Variants in FBRSL1 observed in about 807,000 individuals in gnomAD.
FBRSL1 encodes fibrosin-1-like protein.
A neutral mutation model predicts 89.6 loss-of-function variants in FBRSL1; 51 were observed. The observed-to-expected ratio is 0.57, with a 90% CI of 0.45 to 0.72. The LOEUF is 0.72. Among genes scored for constraint, FBRSL1 ranks in the 30% least tolerant of loss-of-function variants. The pLI is 0.00. For missense variants in FBRSL1, 1,618 were observed against 1,451.8 expected, an observed-to-expected ratio of 1.11 and a Z score of -1.86; for synonymous variants, 779 against 681.1, an observed-to-expected ratio of 1.14 and a Z score of -2.24.
rs953732736 is a variant in FBRSL1 at position 132,570,067 on chromosome 12, C to T, written c.833C>T (p.Pro278Leu). 3.4e-5 allele frequency: 51 copies of T among 1,493,196 alleles called. No homozygotes were observed. Among genetic ancestry groups the T allele is most frequent in the African/African-American group, 5.8e-5 (4 of 68,592 alleles). 92.5% of individuals were successfully genotyped at this position (1,493,196 alleles called of 1,614,324 possible). The change falls in exon 7 of 19, where the codon CCG becomes CTG. Residue 278 changes from proline (P) to leucine (L), a missense_variant. By Grantham distance (98) the Pro-to-Leu change is moderately conservative (BLOSUM62 -3). Transcript: ENST00000680143. ...APHAAPCPGP[P>L]PGSRANPLVK... ...CATGCCGCGCCCTGCCCGGGGCCCC[C>T]GCCCGGCTCCCGCGCCAATCCCTTG...
intron 2 of FBRSL1, among the ~76,000 whole-genome samples, chr12:132,513,626 G>T (rs747158955): frequency 8.5e-5 from 13 of 152,228 alleles, no homozygotes; most frequent in Non-Finnish European, 1.5e-4. Flanking sequence ...TGCAGAAGGG[G>T]TTATGGGGAG....
At chr12:132,552,167 A>C (rs1443846660) in intron 5 of FBRSL1, 2 of 166,102 alleles carry the variant, frequency 1.2e-5, no homozygotes, top group Non-Finnish European at 2.6e-5. Flanking sequence ...CACTGCCCCA[A>C]GCACGGTCCC....
chr12:132,507,769 C>T (rs967158877), intron 1 of FBRSL1, among the ~76,000 whole-genome samples: 14 of 152,100 alleles, frequency 9.2e-5, no homozygotes, highest in African/African-American at 3.4e-4. Context: ...TGGAGAGGCT[C>T]CTGTGGTCCC....
intron 15 of FBRSL1, among the ~76,000 whole-genome samples, chr12:132,578,569 C>T (rs1010341624): frequency 4.6e-5 from 7 of 152,120 alleles, no homozygotes; most frequent in South Asian, 2.1e-4. Flanking sequence ...GCTGCATGCA[C>T]ACGTACATAC....
At position 132,584,851 on chromosome 12, in the gene FBRSL1, C is replaced by CAA. The variant is rs1491162863; in HGVS notation, c.*1076_*1077dup. On this transcript the variant is annotated 3_prime_UTR_variant, in exon 19 of 19. Transcript: ENST00000680143. ...ACACACACACACACACACACACACACAAAATCACTGCTGTGTGTTTTCTTC... is the reference window on the plus strand; with the variant it reads ...ACACACACACACACACACACACACACAAAAAATCACTGCTGTGTGTTTTCTTC... 1.3e-5 allele frequency: 2 copies of CAA among 152,264 alleles called. No individual in the cohort carries two copies. The highest frequency in any genetic ancestry group is 4.8e-5 in the African/African-American group (2 of 41,354). The allele number at this position is 152,264 out of a possible 1,614,324, so 9.4% of individuals were successfully genotyped here. A position where few individuals can be genotyped will look rare whatever the true frequency, so the allele number is the denominator to read the frequency against.
At chr12:132,518,419 T>A (rs1359938381) in intron 2 of FBRSL1, among the ~76,000 whole-genome samples, 2 of 151,124 alleles carry the variant, frequency 1.3e-5, no homozygotes, top group Non-Finnish European at 2.9e-5. Context: ...CACCCATGCG[T>A]CCATCATCCA....
intron 1 of FBRSL1, among the ~76,000 whole-genome samples, chr12:132,495,700 T>C (rs756250675): frequency 1.1e-4 from 17 of 152,024 alleles, no homozygotes; most frequent in Non-Finnish European, 2.4e-4. Context: ...TCCCACAGAG[T>C]CCCACAGCTG....
chr12:132,521,045 G>A (rs921107931), intron 2 of FBRSL1, among the ~76,000 whole-genome samples: 3 of 152,352 alleles, frequency 2.0e-5, no homozygotes, highest in African/African-American at 7.2e-5. Flanking sequence ...GACACCCACT[G>A]CAGTCCCCTG....
chr12:132,574,288 C>T lies in FBRSL1; in HGVS notation c.1600-31C>T, dbSNP rs957836232. 9.3e-6 allele frequency: 14 copies of T among 1,510,872 alleles called. No individual in the cohort carries two copies. The Admixed American group carries it at 1.3e-4, about 14-fold the overall frequency. 93.6% of individuals were successfully genotyped at this position (1,510,872 alleles called of 1,614,324 possible). A position where few individuals can be genotyped will look rare whatever the true frequency, so the allele number is the denominator to read the frequency against. On this transcript the variant is annotated intron_variant, in intron 12 of 18. Transcript: ENST00000680143. ...CCAGGACTCAGCCTCCTGAGGGGCC[C>T]GGACCTCACACTCCTTTCCTGTCTC...
rs117548358 is a variant in FBRSL1, at chr12:132,564,478, G to A, written c.646-3003G>A. 3.9e-5 allele frequency among the ~76,000 whole-genome samples: 6 copies of A among 151,948 alleles called. No homozygotes were observed. In the East Asian group the frequency reaches 5.9e-4, roughly 15 times the overall value. ...CCTGGTGAGCCTCCTGGCTCTGGGA[G>A]GGCCCCTGCCCTCGCCCTCCAAGGT... On this transcript the variant is annotated intron_variant, in intron 5 of 18. Transcript: ENST00000680143.
chr12:132,492,543 T>G (rs1397856217), intron 1 of FBRSL1, among the ~76,000 whole-genome samples: 2 of 152,198 alleles, frequency 1.3e-5, no homozygotes, highest in Non-Finnish European at 2.9e-5. Context: ...GTGTCAGGAA[T>G]CTGAGTGAGG....
In FBRSL1 at chr12:132,499,204, C is replaced by A. The variant is rs902719196; in HGVS notation, c.291+8343C>A. 4.3e-4 allele frequency among the ~76,000 whole-genome samples: 65 copies of A among 152,264 alleles called. No individual in the cohort carries two copies. Among genetic ancestry groups the A allele is most frequent in the Admixed American group, 1.2e-3 (18 of 15,298 alleles). On this transcript the variant is annotated intron_variant, in intron 1 of 18. Transcript: ENST00000680143. This position sits in a 1 kb window ranked among gnomAD's most constrained non-coding sequence, Gnocchi z 4.3. ...TGCACAGTGGAGCCTCCAGGGCCGGCCAGGCAGGGATGGTGCCGGGCAGGG... is the reference window on the plus strand; with the variant it reads ...TGCACAGTGGAGCCTCCAGGGCCGGACAGGCAGGGATGGTGCCGGGCAGGG...
chr12:132,504,384 C>T (rs1337942249), intron 1 of FBRSL1, among the ~76,000 whole-genome samples: 2 of 152,174 alleles, frequency 1.3e-5, no homozygotes, highest in Non-Finnish European at 2.9e-5. Flanking sequence ...AGAATTGCTA[C>T]AGGAAAATCT....
chr12:132,577,108 CCCTCACCTCTCTTCT>C (rs1446915913), intron 15 of FBRSL1, among the ~76,000 whole-genome samples, 177 bp downstream of exon 15: 1 of 152,174 alleles, frequency 6.6e-6, no homozygotes, highest in African/African-American at 2.4e-5. Context: ...CTCACCCCAC[CCCTCACCTCTCTTCT>C]CCTCACCTCT....
chr12:132,571,553 CGG>C, intron 9 of FBRSL1: 1 of 1,338,488 alleles, frequency 7.5e-7, no homozygotes, highest in Non-Finnish European at 9.6e-7. Context: ...TGGCAGGGGG[CGG>C]GGGCGGGCGT....
rs1335345684 is a variant in FBRSL1, at chr12:132,525,678, G to A, written c.490-56G>A. The A allele has an allele frequency of 6.2e-6, 9 of 1,446,656 alleles. No homozygotes were observed. The Admixed American group carries it at 8.0e-5, about 13-fold the overall frequency. 89.6% of individuals were successfully genotyped at this position (1,446,656 alleles called of 1,614,324 possible). A position where few individuals can be genotyped will look rare whatever the true frequency, so the allele number is the denominator to read the frequency against. ...CATGTAGCCCTAGCCAGGGGGCCCC[G>A]ATGCGGACGCGGTGAGGTGGGGGTT... On this transcript the variant is annotated intron_variant, in intron 2 of 18. Transcript: ENST00000680143.
intron 4 of FBRSL1, among the ~76,000 whole-genome samples, chr12:132,534,218 G>A (rs770638799): frequency 7.2e-4 from 110 of 152,188 alleles, no homozygotes; most frequent in Middle Eastern, 3.2e-3. Flanking sequence ...CCTGCCGTCC[G>A]CCTCCACTCC....
intron 1 of FBRSL1, among the ~76,000 whole-genome samples, chr12:132,497,715 C>T (rs1350110227): frequency 1.3e-5 from 2 of 152,172 alleles, no homozygotes; most frequent in East Asian, 1.9e-4. Context: ...CCGCCTCACA[C>T]CTGCTGAGGC....
At chr12:132,579,428 A>G (rs1042905615) in intron 15 of FBRSL1, among the ~76,000 whole-genome samples, 18 of 152,360 alleles carry the variant, frequency 1.2e-4, no homozygotes, top group Admixed American at 5.2e-4. Context: ...TGGAATTTGT[A>G]AGTTACATTC....
Sources: gnomAD v4.1 joint callset for allele counts (sites outside exome capture counted in the v4.1 genomes callset) on GRCh38, gnomAD v4.1.1 for gene constraint, Gnocchi (gnomAD v3.1) non-coding constraint, MANE v1.5 for transcripts, NCBI Gene and HGNC (gene_info 2026-07-23, HGNC 2026-07-21) for gene names.